Variants in ZDHHC13 observed in about 807,000 individuals in gnomAD.
ZDHHC13 encodes zDHHC palmitoyltransferase 13.
A neutral mutation model predicts 86.0 loss-of-function variants in ZDHHC13; 85 were observed. The ratio of observed to expected loss-of-function variants is 0.99; its 90% CI spans 0.83 to 1.18. The LOEUF is 1.18. Ranked by LOEUF, ZDHHC13 falls within the 50% of genes most tolerant of loss-of-function variation. ZDHHC13 has a pLI of 0.00. For missense variants in ZDHHC13, 711 were observed against 730.2 expected (o/e 0.97, Z 0.30); for synonymous variants, 263 against 246.4 (o/e 1.07, Z -0.63).
rs142021920 is a variant in ZDHHC13 at position 19,122,759 on chromosome 11, A to G, written c.27+5483A>G. Among the ~76,000 whole-genome samples, 795 of 152,276 alleles carry G rather than the reference A, an allele frequency of 5.2e-3. 2 individuals carry two copies. Among genetic ancestry groups the G allele is most frequent in the African/African-American group, 0.018 (745 of 41,564 alleles). On this transcript the variant is annotated intron_variant, in intron 1 of 16. Transcript: ENST00000446113. The stretch of plus-strand genomic sequence containing the variant: ...TTAAAAACTCAAATTTGTAAATTTT[A>G]TTTTTCCTTTTTAAGTAAAAAGATA...
At chr11:19,117,128 C>T, upstream of ZDHHC13, 7 of 1,083,988 alleles carry the variant, frequency 6.5e-6, no homozygotes, top group Non-Finnish European at 5.4e-6. The surrounding 1 kb of genome is among the most constrained non-coding windows in gnomAD (Gnocchi z 4.2). Context: ...GAGCGGGGAC[C>T]GCAGCGGCGG....
Position 19,166,390 on chromosome 11 carries a change from G to A in ZDHHC13, c.1474+5G>A, listed in dbSNP as rs367849389. 47 of 1,606,498 alleles carry A rather than the reference G, an allele frequency of 2.9e-5. No individual in the cohort carries two copies. The African/African-American group carries it at 5.0e-4, about 17-fold the overall frequency. Reference sequence around the variant, plus strand: ...TTATATATGGATCTTTCATCTGTAAGTGTAAATTTTTCTTACAACAAGCAC... The same window carrying A: ...TTATATATGGATCTTTCATCTGTAAATGTAAATTTTTCTTACAACAAGCAC... On this transcript the variant is annotated splice_donor_5th_base_variant and intron_variant, in intron 14 of 16. Transcript: ENST00000446113.
intron 9 of ZDHHC13, among the ~76,000 whole-genome samples, chr11:19,156,945 T>C (rs898544806): frequency 6.6e-6 from 1 of 152,260 alleles, no homozygotes; most frequent in Non-Finnish European, 1.5e-5. Flanking sequence ...CTATGGGGTA[T>C]GATGTGATTC....
chr11:19,152,468 T>C (rs1259175759), intron 7 of ZDHHC13, 91 bp from the exon 8 acceptor site: 2 of 1,457,272 alleles, frequency 1.4e-6, no homozygotes, highest in African/African-American at 1.4e-5. Flanking sequence ...AATAATGTGT[T>C]GAGTCTATGA....
At chr11:19,170,831 A>G (rs1479935950) in intron 15 of ZDHHC13, among the ~76,000 whole-genome samples, 1 of 152,238 alleles carries the variant, frequency 6.6e-6, no homozygotes, top group East Asian at 1.9e-4. Context: ...CCTAGGAGTT[A>G]CCTAATCTGA....
At chr11:19,148,445 G>C (rs1180331908) in intron 4 of ZDHHC13, among the ~76,000 whole-genome samples, 1 of 151,774 alleles carries the variant, frequency 6.6e-6, no homozygotes, top group Non-Finnish European at 1.5e-5. Context: ...AAAAGCATAT[G>C]AATATATAGC....
At position 19,152,801 on chromosome 11, in the gene ZDHHC13, T is replaced by A. The variant is rs534126486; in HGVS notation, c.873+117T>A. ...TGGCTTTTTGCTGCATTATATCTGC[T>A]GACTATATCTTTCCCCCGCATCCTA... On this transcript the variant is annotated intron_variant, in intron 8 of 16. Transcript: ENST00000446113. 9 of 1,476,424 alleles carry A rather than the reference T, an allele frequency of 6.1e-6. No homozygotes were observed. In the African/African-American group the frequency reaches 1.1e-4, roughly 18 times the overall value. 91.5% of individuals were successfully genotyped at this position (1,476,424 alleles called of 1,614,324 possible).
intron 14 of ZDHHC13, chr11:19,169,053 C>T (rs144819566): frequency 1.1e-5 from 11 of 985,412 alleles, no homozygotes; most frequent in African/African-American, 1.0e-4. Context: ...AGATAATGTA[C>T]GTGACAACTT....
In ZDHHC13 at chr11:19,170,455, T is replaced by C. The variant is rs1426819881; in HGVS notation, c.1519T>C (p.Trp507Arg). 10 of 1,544,074 alleles carry C rather than the reference T, an allele frequency of 6.5e-6. No homozygotes were observed. Among genetic ancestry groups the C allele is most frequent in the African/African-American group, 1.4e-5 (1 of 72,138 alleles). Residue 507 changes from tryptophan (W) to arginine (R), a missense_variant, in exon 15 of 17, where the codon TGG becomes CGG. Trp to Arg is a moderately radical substitution (Grantham distance 101). Coordinates refer to ENST00000446113, the MANE Select transcript of ZDHHC13 (RefSeq NM_019028.3). ...CATTFKEDGL[W>R]TYLNQIVACS... ...CACAACATTCAAAGAAGATGGATTA[T>C]GGACTTACCTCAATCAGATTGTGGC...
intron 3 of ZDHHC13, 125 bp downstream of exon 3, chr11:19,146,428 T>C: frequency 3.5e-6 from 4 of 1,140,332 alleles, no homozygotes; most frequent in Non-Finnish European, 4.7e-6. Context: ...CCCGAAACTT[T>C]TTCTGCCACA....
chr11:19,145,915 G>A (rs1849452009), intron 2 of ZDHHC13, among the ~76,000 whole-genome samples: 1 of 152,154 alleles, frequency 6.6e-6, no homozygotes, highest in South Asian at 2.1e-4. Flanking sequence ...GAAACTTATT[G>A]AAGGAAGGCA....
chr11:19,133,445 T>G lies in ZDHHC13; in HGVS notation c.28-9533T>G, dbSNP rs182498842. 6.6e-3 allele frequency among the ~76,000 whole-genome samples: 998 copies of G among 151,490 alleles called. 8 individuals are homozygous for G. Among genetic ancestry groups the G allele is most frequent in the African/African-American group, 0.023 (942 of 41,222 alleles). On this transcript the variant is annotated intron_variant, in intron 1 of 16. Transcript: ENST00000446113. ...TACCTAGAGACATGTACAAGAATAC[T>G]CATAGCAATATGTTTTTTTATAATA...
intron 13 of ZDHHC13, 93 bp downstream of exon 13, chr11:19,165,238 A>T: frequency 8.6e-7 from 1 of 1,161,932 alleles, no homozygotes; most frequent in Non-Finnish European, 1.2e-6. Context: ...CTAGGGCTCC[A>T]TTTTCAATAT....
chr11:19,163,417 AAAAG>A lies in ZDHHC13; in HGVS notation c.1228_1231del (p.Lys410Ter). 1.3e-6 allele frequency: 2 copies of A among 1,589,682 alleles called. No individual in the cohort carries two copies. Among genetic ancestry groups the A allele is most frequent in the Non-Finnish European group, 1.7e-6 (2 of 1,172,436 alleles). ...GGCTTCACTAAGGCTTCTGAAGAAG[AAAAG>A]AAAGTGGTGAGATTTCTTCGTTACT... On this transcript the variant is annotated frameshift_variant, in exon 11 of 17. Coordinates refer to ENST00000446113, the MANE Select transcript of ZDHHC13 (RefSeq NM_019028.3). LOFTEE classifies it high-confidence loss of function.
chr11:19,169,945 A>G (rs963338738), intron 14 of ZDHHC13: 1 of 991,610 alleles, frequency 1.0e-6, no homozygotes, highest in East Asian at 1.1e-4. Context: ...ATGCTATTAG[A>G]TTGTATTCTG....
chr11:19,124,942 G>A (rs970176347), intron 1 of ZDHHC13, among the ~76,000 whole-genome samples: 5 of 152,026 alleles, frequency 3.3e-5, no homozygotes, highest in African/African-American at 1.2e-4. Flanking sequence ...CAGTGCAGAC[G>A]AGTGCTCTAT....
At chr11:19,133,597 G>A (rs572985042) in intron 1 of ZDHHC13, among the ~76,000 whole-genome samples, 1 of 152,132 alleles carries the variant, frequency 6.6e-6, no homozygotes, top group African/African-American at 2.4e-5. Context: ...ATAACAACAT[G>A]GATGAAGCTT....
At chr11:19,158,688 G>A (rs987487978) in intron 9 of ZDHHC13, among the ~76,000 whole-genome samples, 2 of 152,154 alleles carry the variant, frequency 1.3e-5, no homozygotes, top group Non-Finnish European at 2.9e-5. Flanking sequence ...TATTGTATGA[G>A]TTGGTTAGAA....
chr11:19,165,069 G>T lies in ZDHHC13; in HGVS notation c.1314G>T (p.Arg438Ser). ...CTSCLIRKPL[R>S]SLHCHVCNCC... is the part of the protein sequence containing the mutation. ...CCACTTAGATAAGGAAGCCATTAAG[G>T]TCACTCCACTGCCATGTATGCAACT... Residue 438 changes from arginine (R) to serine (S), a missense_variant, in exon 13 of 17, where the codon AGG (arginine) becomes AGT (serine). Transcript: ENST00000446113. 4 of 1,612,698 alleles carry T rather than the reference G, an allele frequency of 2.5e-6. No homozygotes were observed. Among genetic ancestry groups the T allele is most frequent in the South Asian group, 1.1e-5 (1 of 90,744 alleles).
Sources: allele counts gnomAD v4.1 joint callset (sites outside exome capture counted in the v4.1 genomes callset), GRCh38; gene constraint gnomAD v4.1.1; non-coding constraint Gnocchi (gnomAD v3.1); transcripts MANE v1.5; gene names NCBI Gene and HGNC (gene_info 2026-07-23, HGNC 2026-07-21).